KIF26B: variants seen among roughly 807,000 people sequenced by gnomAD.
The protein encoded by KIF26B is kinesin-like protein KIF26B.
Under a neutral mutation model 151.2 loss-of-function variants are expected in KIF26B, and 63 were observed. The observed-to-expected ratio is 0.42, with a 90% CI of 0.34 to 0.51. The LOEUF is 0.51. Ranked by LOEUF, KIF26B falls within the 20% of genes least tolerant of loss-of-function variation. The pLI, the probability that KIF26B is intolerant of heterozygous loss-of-function variation, is 0.07. For missense variants in KIF26B, 2,813 were observed against 2,913.6 expected, an observed-to-expected ratio of 0.97 and a Z score of 0.79; for synonymous variants, 1,357 against 1,262.1, an observed-to-expected ratio of 1.08 and a Z score of -1.59.
chr1:245,669,641 C>A (rs1040523183), intron 10 of KIF26B, among the ~76,000 whole-genome samples: 4 of 152,180 alleles, frequency 2.6e-5, no homozygotes, highest in African/African-American at 9.7e-5. Flanking sequence ...ACTTCCTAGC[C>A]AGCAGGATGT....
At chr1:245,230,807 A>G (rs1669980942) in intron 2 of KIF26B, among the ~76,000 whole-genome samples, 2 of 152,094 alleles carry the variant, frequency 1.3e-5, no homozygotes, top group Non-Finnish European at 2.9e-5. Context: ...CCCTGAAAAC[A>G]ACCATGAAGA....
At chr1:245,666,057 A>G (rs2044210919) in intron 10 of KIF26B, among the ~76,000 whole-genome samples, 1 of 131,654 alleles carries the variant, frequency 7.6e-6, no homozygotes, top group African/African-American at 2.9e-5. Context: ...GCTGGAGTGC[A>G]GTGGTGCAAT....
intron 5 of KIF26B, among the ~76,000 whole-genome samples, chr1:245,581,379 G>A (rs147557416): frequency 1.3e-5 from 2 of 152,236 alleles, no homozygotes; most frequent in East Asian, 3.9e-4. Context: ...ATATTCTTGA[G>A]CATTATAGTG....
chr1:245,523,260 GCTAAAGCATTTA>G (rs1166239072), intron 4 of KIF26B, among the ~76,000 whole-genome samples: 5 of 152,116 alleles, frequency 3.3e-5, no homozygotes, highest in African/African-American at 9.7e-5. Flanking sequence ...ATAAATGCTT[GCTAAAGCATTTA>G]TTTGGTCCCA....
At chr1:245,262,781 T>A (rs1450544737) in intron 2 of KIF26B, among the ~76,000 whole-genome samples, 4 of 152,174 alleles carry the variant, frequency 2.6e-5, no homozygotes, top group Non-Finnish European at 5.9e-5. Context: ...TGAGAGACTC[T>A]TGAGTCTTTC....
chr1:245,259,449 T>C (rs535528501), intron 2 of KIF26B, among the ~76,000 whole-genome samples: 1 of 152,232 alleles, frequency 6.6e-6, no homozygotes, highest in South Asian at 2.1e-4. Context: ...TAAATACCCT[T>C]GTCAGATCAG....
intron 2 of KIF26B, among the ~76,000 whole-genome samples, chr1:245,324,052 G>T (rs11589340): frequency 6.4e-4 from 74 of 116,102 alleles, no homozygotes; most frequent in Middle Eastern, 4.1e-3. Flanking sequence ...GGTGGACCCT[G>T]ATGTGGGTGG....
intron 4 of KIF26B, among the ~76,000 whole-genome samples, chr1:245,469,398 G>A (rs1659861027): frequency 6.6e-6 from 1 of 152,196 alleles, no homozygotes; most frequent in Non-Finnish European, 1.5e-5. Flanking sequence ...AGATTTTGTG[G>A]TTCAGTTTTC....
Position 245,687,764 on chromosome 1 carries a change from G to A in KIF26B, c.4781G>A (p.Gly1594Glu). The change falls in exon 12 of 15, where the codon GGG (glycine) becomes GAG (glutamate). Residue 1594 changes from glycine to glutamate, a missense_variant. Physicochemically the swap from Gly to Glu is moderately conservative, Grantham distance 98. Transcript: ENST00000407071. The surrounding 1 kb of genome is among the most constrained non-coding windows in gnomAD (Gnocchi z 4.9). ...PKHCVLARPK[G>E]TPPLPPVRKS... ...CACTGTGTTCTGGCTCGGCCCAAAG[G>A]GACTCCCCCTCTGCCCCCTGTCCGA... 6.3e-7 allele frequency: 1 copy of A among 1,581,018 alleles called. No homozygotes were observed.
intron 2 of KIF26B, among the ~76,000 whole-genome samples, chr1:245,234,195 GAAAGA>G (rs1670057536): frequency 1.3e-5 from 2 of 151,626 alleles, no homozygotes; most frequent in Non-Finnish European, 2.9e-5. Flanking sequence ...AAAAAAAAAA[GAAAGA>G]AAAGAAAAAA....
At chr1:245,410,710 A>G (rs150968623) in intron 3 of KIF26B, among the ~76,000 whole-genome samples, 1 of 152,302 alleles carries the variant, frequency 6.6e-6, no homozygotes, top group East Asian at 1.9e-4. Context: ...TCGGCCCCCC[A>G]AAGGCTTGAG....
chr1:245,652,326 A>G (rs919872773), intron 10 of KIF26B, among the ~76,000 whole-genome samples: 6 of 152,172 alleles, frequency 3.9e-5, no homozygotes, highest in African/African-American at 1.2e-4. Context: ...CAACTGCAGC[A>G]ATGATAATTC....
At chr1:245,263,891 C>T (rs1006324130) in intron 2 of KIF26B, among the ~76,000 whole-genome samples, 7 of 152,124 alleles carry the variant, frequency 4.6e-5, no homozygotes, top group South Asian at 2.1e-4. Context: ...TCTTGTGGTC[C>T]GTTCTGTGTG....
chr1:245,561,740 G>T (rs2042953865), intron 5 of KIF26B, among the ~76,000 whole-genome samples: 1 of 152,192 alleles, frequency 6.6e-6, no homozygotes, highest in Non-Finnish European at 1.5e-5. Context: ...AGAGTCATGT[G>T]CATGCTGCAT....
At chr1:245,169,604 A>ATT (rs5782323) in intron 2 of KIF26B, among the ~76,000 whole-genome samples, 1 of 151,728 alleles carries the variant, frequency 6.6e-6, no homozygotes, top group African/African-American at 2.4e-5. Flanking sequence ...CTTTACAAGC[A>ATT]TTTTTTGCAG....
chr1:245,593,455 A>G (rs925215941), intron 5 of KIF26B, among the ~76,000 whole-genome samples: 2 of 152,098 alleles, frequency 1.3e-5, no homozygotes, highest in Admixed American at 1.3e-4. Flanking sequence ...GTTTGCTGAG[A>G]ATGATGGTTT....
At position 245,407,893 on chromosome 1, in the gene KIF26B, C is replaced by A. The variant is rs112215656; in HGVS notation, c.1000-11686C>A. On this transcript the variant is annotated intron_variant, in intron 3 of 14. Coordinates refer to ENST00000407071, the MANE Select transcript of KIF26B (RefSeq NM_018012.4). ...TTACAAAGCAAGACATGCTGTAGGC[C>A]CTGGGATTGCATGGACAGTGTCCAC... 1.4e-3 allele frequency among the ~76,000 whole-genome samples: 216 copies of A among 152,102 alleles called. 1 individual carries two copies. The highest frequency in any genetic ancestry group is 4.9e-3 in the African/African-American group (202 of 41,468).
At chr1:245,595,759 T>G in intron 5 of KIF26B, among the ~76,000 whole-genome samples, 1 of 152,136 alleles carries the variant, frequency 6.6e-6, no homozygotes, top group Non-Finnish European at 1.5e-5. Context: ...TTTGTACCTC[T>G]GGTAGAATTC....
intron 4 of KIF26B, among the ~76,000 whole-genome samples, chr1:245,429,871 T>C (rs1572057468): frequency 6.6e-6 from 1 of 152,162 alleles, no homozygotes; most frequent in East Asian, 1.9e-4. Context: ...CACCTTGGCC[T>C]CCCAAAGTGC....
Sources: allele counts gnomAD v4.1 joint callset (sites outside exome capture counted in the v4.1 genomes callset), GRCh38; gene constraint gnomAD v4.1.1; non-coding constraint Gnocchi (gnomAD v3.1); transcripts MANE v1.5; gene names NCBI Gene and HGNC (gene_info 2026-07-23, HGNC 2026-07-21).